Variants in OPHN1 observed in about 807,000 individuals in gnomAD.
OPHN1 encodes the protein oligophrenin 1.
OPHN1 carries 11 observed loss-of-function variants against 60.7 expected under a neutral mutation model. That is an observed-to-expected ratio of 0.18 (90% CI 0.11 to 0.30). The LOEUF is 0.30. Ranked by LOEUF, OPHN1 falls within the 10% of genes least tolerant of loss-of-function variation. The pLI, the probability that OPHN1 is intolerant of heterozygous loss-of-function variation, is 1.00. For synonymous variants in OPHN1, 226 were observed against 222.6 expected, an observed-to-expected ratio of 1.02 and a Z score of -0.14; for missense variants, 449 against 611.0, an observed-to-expected ratio of 0.73 and a Z score of 2.80.
intron 2 of OPHN1, among the ~76,000 whole-genome samples, chrX:68,387,879 T>C (rs2078632557): frequency 9.0e-6 from 1 of 110,749 alleles, no homozygotes; most frequent in South Asian, 3.8e-4. Context: ...TCTGACTATG[T>C]TTGAGTGTGA....
At position 68,198,664 on chromosome X, in the gene OPHN1, G is replaced by A. The variant is rs186034956; in HGVS notation, c.1026-1400C>T. On this transcript the variant is annotated intron_variant, in intron 11 of 24. Transcript: ENST00000355520. ...GTTCCTTCCACAAATTCTGTGATAAGATGAGACCTCTCCTAGAGTCATAGA... is the reference window on the plus strand; with the variant it reads ...GTTCCTTCCACAAATTCTGTGATAAAATGAGACCTCTCCTAGAGTCATAGA... 2.4e-3 allele frequency among the ~76,000 whole-genome samples: 270 copies of A among 111,729 alleles called. 1 individual carries two copies. The highest frequency in any genetic ancestry group is 8.2e-3 in the African/African-American group (253 of 30,788).
chrX:68,131,305 G>A (rs1385299919), intron 15 of OPHN1, among the ~76,000 whole-genome samples: 5 of 109,197 alleles, frequency 4.6e-5, no homozygotes, highest in African/African-American at 1.7e-4. Flanking sequence ...TGCAACCTCC[G>A]CCTCCCAGGT....
rs746907353 is a variant in OPHN1, at chrX:68,210,091, G to A, written c.832+62C>T. ...GTAAGGGTGCCCAAAATTCACAGCC[G>A]ACAAGTGGCAGTAGTTCCTGGCTTA... On this transcript the variant is annotated intron_variant, in intron 9 of 24. Transcript: ENST00000355520. 1.9e-4 allele frequency: 217 copies of A among 1,171,270 alleles called. 2 individuals carry two copies. The Admixed American group carries it at 4.0e-3, about 22-fold the overall frequency.
chrX:68,418,151 G>A (rs1029542060), intron 2 of OPHN1, among the ~76,000 whole-genome samples: 2 of 111,963 alleles, frequency 1.8e-5, no homozygotes, highest in African/African-American at 6.5e-5. Flanking sequence ...CTATATTTAT[G>A]AGCCCCTCTG....
intron 6 of OPHN1, among the ~76,000 whole-genome samples, chrX:68,220,451 T>C (rs2077648622): frequency 9.0e-6 from 1 of 110,539 alleles, no homozygotes; most frequent in Non-Finnish European, 1.9e-5. Context: ...ATCATTCTGA[T>C]ACCAAAGCCT....
chrX:68,168,655 G>A (rs2077372408), intron 15 of OPHN1, among the ~76,000 whole-genome samples: 1 of 112,364 alleles, frequency 8.9e-6, no homozygotes, highest in African/African-American at 3.2e-5. Flanking sequence ...ACTAAAATCA[G>A]AGCAGAACTG....
At chrX:68,433,520 A>C (rs2078896777), upstream of OPHN1, 1 of 281,136 alleles carries the variant, frequency 3.6e-6, no homozygotes, top group Non-Finnish European at 6.2e-6. Context: ...GGCAACCCGG[A>C]TTGCACTGTC....
chrX:68,233,125 G>A (rs2077736664), intron 6 of OPHN1, among the ~76,000 whole-genome samples: 1 of 110,912 alleles, frequency 9.0e-6, no homozygotes, highest in East Asian at 2.8e-4. Context: ...CTGGGGTTTT[G>A]CCATGTTGGC....
intron 18 of OPHN1, among the ~76,000 whole-genome samples, chrX:68,103,787 C>T (rs778566476): frequency 3.6e-5 from 4 of 111,719 alleles, no homozygotes; most frequent in Non-Finnish European, 5.6e-5. Context: ...TCTCTCACCA[C>T]TCCTATTCAA....
chrX:68,384,251 A>G (rs2078612681), intron 2 of OPHN1, among the ~76,000 whole-genome samples: 1 of 111,053 alleles, frequency 9.0e-6, no homozygotes, highest in South Asian at 3.8e-4. Flanking sequence ...CATTCAACAA[A>G]TTTTCTTGAT....
chrX:68,225,534 C>T (rs1324111684), intron 6 of OPHN1, among the ~76,000 whole-genome samples: 3 of 111,691 alleles, frequency 2.7e-5, no homozygotes, highest in Non-Finnish European at 3.8e-5. Flanking sequence ...TTCCAGAGGA[C>T]GGATCGGGCA....
At chrX:68,130,951 C>G (rs762955862) in intron 15 of OPHN1, among the ~76,000 whole-genome samples, 2 of 110,827 alleles carry the variant, frequency 1.8e-5, no homozygotes, top group Admixed American at 1.9e-4. Flanking sequence ...CTGGTAGATT[C>G]GAGCCTTGGG....
intron 3 of OPHN1, among the ~76,000 whole-genome samples, chrX:68,294,396 C>A (rs1030735131): frequency 7.7e-5 from 8 of 103,392 alleles, no homozygotes; most frequent in African/African-American, 2.9e-4. Context: ...TCTCTTGAAC[C>A]CGGGAGGCGG....
chrX:68,206,437 C>G, intron 10 of OPHN1, 136 bp downstream of exon 10: 1 of 522,021 alleles, frequency 1.9e-6, no homozygotes, highest in South Asian at 2.8e-5. Context: ...CAAACTTAGG[C>G]CAAGGTGTAC....
intron 5 of OPHN1, among the ~76,000 whole-genome samples, chrX:68,251,968 T>A (rs1569258190): frequency 8.9e-6 from 1 of 112,307 alleles, no homozygotes; most frequent in Non-Finnish European, 1.9e-5. Flanking sequence ...TTACTGATGT[T>A]GGGCTTGGCC....
intron 2 of OPHN1, among the ~76,000 whole-genome samples, chrX:68,304,129 C>T (rs1230055517): frequency 8.9e-5 from 10 of 111,790 alleles, no homozygotes; most frequent in Non-Finnish European, 1.9e-4. Flanking sequence ...ATGCTAATTA[C>T]TCTGATTTGA....
chrX:68,058,115 G>A (rs2076879963), intron 21 of OPHN1, among the ~76,000 whole-genome samples: 1 of 111,468 alleles, frequency 9.0e-6, no homozygotes, highest in Non-Finnish European at 1.9e-5. Context: ...TTTATAGGCT[G>A]TTTTTGAAGT....
intron 2 of OPHN1, among the ~76,000 whole-genome samples, chrX:68,343,071 G>C (rs2078361364): frequency 9.0e-6 from 1 of 110,686 alleles, no homozygotes; most frequent in East Asian, 2.8e-4. Flanking sequence ...TCAGGAGTTC[G>C]AGATCAGCCT....
chrX:68,427,098 A>AAAAG lies in OPHN1; in HGVS notation c.154+5768_154+5769insCTTT, dbSNP rs1228437599. Among the ~76,000 whole-genome samples, 28 of 104,868 alleles carry AAAAG rather than the reference A, an allele frequency of 2.7e-4. No individual in the cohort carries two copies. The South Asian group carries it at 0.01, about 38-fold the overall frequency. The allele number at this position is 104,868 out of a possible 115,157, so 91.1% of individuals were successfully genotyped here. ...GAAACCCCATCTCTACTAAAAAAAA[A>AAAAG]AAAAAAAAAAATTACAAAACTTAGC... On this transcript the variant is annotated intron_variant, in intron 2 of 24. Transcript: ENST00000355520.
Sources: allele counts gnomAD v4.1 joint callset (sites outside exome capture counted in the v4.1 genomes callset), GRCh38; gene constraint gnomAD v4.1.1; transcripts MANE v1.5; gene names NCBI Gene and HGNC (gene_info 2026-07-23, HGNC 2026-07-21).